EXT2: variants seen among roughly 807,000 people sequenced by gnomAD.
The protein encoded by EXT2 is exostosin-2.
A neutral mutation model predicts 81.6 loss-of-function variants in EXT2; 53 were observed. The observed-to-expected ratio is 0.65, with a 90% CI of 0.52 to 0.82. The LOEUF is 0.82. EXT2 is among the 40% of genes least tolerant of loss of function. The pLI is 0.00. For missense variants in EXT2, 774 were observed against 910.2 expected, an observed-to-expected ratio of 0.85 and a Z score of 1.93; for synonymous variants, 320 against 340.0, an observed-to-expected ratio of 0.94 and a Z score of 0.65.
intron 7 of EXT2, among the ~76,000 whole-genome samples, chr11:44,171,279 C>A (rs915487852): frequency 7.2e-5 from 11 of 152,178 alleles, no homozygotes; most frequent in African/African-American, 2.4e-4. Context: ...GAGCTGTACA[C>A]AAGATTTGTG....
chr11:44,194,218 TTC>T (rs1432982599), intron 8 of EXT2, among the ~76,000 whole-genome samples: 1 of 152,220 alleles, frequency 6.6e-6, no homozygotes, highest in Non-Finnish European at 1.5e-5. Context: ...TAGTTTTTCC[TTC>T]TGTTTTAGTG....
At chr11:44,219,382 C>T (rs756552460) in intron 10 of EXT2, among the ~76,000 whole-genome samples, 14 of 151,976 alleles carry the variant, frequency 9.2e-5, no homozygotes, top group Admixed American at 2.0e-4. Flanking sequence ...AGTGTGGTGG[C>T]GCTCACCTGT....
intron 7 of EXT2, among the ~76,000 whole-genome samples, chr11:44,147,727 AT>A (rs5791607): frequency 0.91 from 124,656 of 136,958 alleles, 56,776 homozygotes; most frequent in East Asian, 0.99. Context: ...CCCCCAGCTA[AT>A]TTTTTTTTTT....
Position 44,207,007 on chromosome 11 carries a change from A to G in EXT2, c.1662+48A>G, listed in dbSNP as rs753083906. ...GTTTATATGTTTAATATTACTTCCT[A>G]TGACTGCTTGTCTTTTCTAAAAAAG... is the stretch of plus-strand genomic sequence containing the variant. On this transcript the variant is annotated intron_variant, in intron 10 of 13. Transcript: ENST00000533608. The G allele has an allele frequency of 1.9e-5, 30 of 1,567,982 alleles. No homozygotes were observed. In the Admixed American group the frequency reaches 4.2e-4, roughly 22 times the overall value.
Position 44,119,123 on chromosome 11 carries a change from T to TA in EXT2, c.743+4822_743+4823insA, listed in dbSNP as rs1491276620. 2.8e-3 allele frequency among the ~76,000 whole-genome samples: 75 copies of TA among 26,444 alleles called. 1 individual carries two copies. The highest frequency in any genetic ancestry group is 6.2e-3 in the South Asian group (4 of 644). The allele number at this position is 26,444 out of a possible 152,430, so 17.3% of individuals were successfully genotyped here. On this transcript the variant is annotated intron_variant, in intron 4 of 13. Coordinates refer to ENST00000533608, the MANE Select transcript of EXT2 (RefSeq NM_207122.2). ...ATGTCCCCCAGGGGACATTTGGCTA[T>TA]TTATATATATATATATATATATATA...
At chr11:44,139,631 C>G (rs1954617677) in intron 7 of EXT2, among the ~76,000 whole-genome samples, 1 of 152,256 alleles carries the variant, frequency 6.6e-6, no homozygotes, top group East Asian at 1.9e-4. Flanking sequence ...GCTCCATCCC[C>G]TATTGGAAAT....
Position 44,171,692 on chromosome 11 carries a change from T to C in EXT2, c.1255T>C (p.Tyr419His). 6.2e-7 allele frequency: 1 copy of C among 1,614,162 alleles called. No homozygotes were observed. Among genetic ancestry groups the C allele is most frequent in the Non-Finnish European group, 8.5e-7 (1 of 1,179,974 alleles). ...CCTGCAGATTATCAATGACCGGATC[T>C]ATCCATATGCTGCCATCTCCTATGA... ...ATLQIINDRI[Y>H]PYAAISYEEW... Residue 419 changes from tyrosine (Y) to histidine (H), a missense_variant, in exon 8 of 14, where the codon TAT (tyrosine) becomes CAT (histidine). By Grantham distance (83) the Tyr-to-His change is moderately conservative. Transcript: ENST00000533608.
At chr11:44,117,056 G>A (rs1374242893) in intron 4 of EXT2, among the ~76,000 whole-genome samples, 5 of 146,974 alleles carry the variant, frequency 3.4e-5, no homozygotes, top group African/African-American at 7.6e-5. Flanking sequence ...CAAAACCTCC[G>A]CCTCCCAGAT....
At chr11:44,190,091 T>C (rs112629050) in intron 8 of EXT2, among the ~76,000 whole-genome samples, 76 of 152,334 alleles carry the variant, frequency 5.0e-4, no homozygotes, top group African/African-American at 1.8e-3. Context: ...AATGCTTAAC[T>C]CTTTCATTGC....
intron 9 of EXT2, among the ~76,000 whole-genome samples, chr11:44,204,504 A>G (rs565503162): frequency 8.5e-5 from 13 of 152,338 alleles, no homozygotes; most frequent in Admixed American, 3.9e-4. Flanking sequence ...AGGTAGGGCT[A>G]TAACCTCCTT....
chr11:44,208,430 GT>G (rs1259892405), intron 10 of EXT2, among the ~76,000 whole-genome samples: 1 of 152,164 alleles, frequency 6.6e-6, no homozygotes, highest in Non-Finnish European at 1.5e-5. Flanking sequence ...CCCTGAGTTT[GT>G]TTTAAGCAAC....
chr11:44,202,739 C>T (rs1221363934), intron 9 of EXT2, among the ~76,000 whole-genome samples: 1 of 152,240 alleles, frequency 6.6e-6, no homozygotes, highest in Non-Finnish European at 1.5e-5. Context: ...CATTCCCATT[C>T]ACCCTCACAG....
chr11:44,224,602 G>A (rs1390983293), intron 10 of EXT2, among the ~76,000 whole-genome samples: 4 of 151,908 alleles, frequency 2.6e-5, no homozygotes, highest in African/African-American at 9.7e-5. Flanking sequence ...CACATATAGG[G>A]CACTAGGATG....
Position 44,201,469 on chromosome 11 carries a change from C to A in EXT2, c.1495+3451C>A, listed in dbSNP as rs562596427. Among the ~76,000 whole-genome samples the A allele has an allele frequency of 3.9e-5, 6 of 152,224 alleles. No individual in the cohort carries two copies. In the South Asian group the frequency reaches 1.2e-3, roughly 32 times the overall value. ...ACCTGCAAGGAAACTGTTGTTATTC[C>A]CATTTTACAAAAATAAGAAAAATGA... is the stretch of plus-strand genomic sequence containing the variant. On this transcript the variant is annotated intron_variant, in intron 9 of 13. Coordinates refer to ENST00000533608, the MANE Select transcript of EXT2 (RefSeq NM_207122.2).
intron 7 of EXT2, among the ~76,000 whole-genome samples, chr11:44,153,841 C>T (rs1954824148): frequency 6.6e-6 from 1 of 151,916 alleles, no homozygotes; most frequent in African/African-American, 2.4e-5. Flanking sequence ...CTGAACCAGC[C>T]TTGCATACCT....
intron 8 of EXT2, among the ~76,000 whole-genome samples, chr11:44,180,447 C>G (rs1445984133): frequency 6.6e-6 from 1 of 152,146 alleles, no homozygotes; most frequent in Non-Finnish European, 1.5e-5. Context: ...CTAATAAATG[C>G]CTGTTGTTTT....
intron 6 of EXT2, among the ~76,000 whole-genome samples, chr11:44,127,626 C>G (rs1954427541): frequency 1.3e-5 from 2 of 152,174 alleles, no homozygotes; most frequent in African/African-American, 4.8e-5. Context: ...GGGACTGTTG[C>G]TTTTCAGAAA....
intron 8 of EXT2, among the ~76,000 whole-genome samples, chr11:44,194,132 T>C (rs1955428260): frequency 6.6e-6 from 1 of 152,316 alleles, no homozygotes; most frequent in African/African-American, 2.4e-5. Context: ...CTTCTTAATG[T>C]CATAAAGACA....
chr11:44,126,607 A>T (rs1954408306), intron 5 of EXT2, among the ~76,000 whole-genome samples: 1 of 152,238 alleles, frequency 6.6e-6, no homozygotes, highest in African/African-American at 2.4e-5. Flanking sequence ...AGCAATACTG[A>T]AGAGTAGAAA....
Sources: gnomAD v4.1 joint callset for allele counts (sites outside exome capture counted in the v4.1 genomes callset) on GRCh38, gnomAD v4.1.1 for gene constraint, MANE v1.5 for transcripts, NCBI Gene and HGNC (gene_info 2026-07-23, HGNC 2026-07-21) for gene names.